The following WIPI2 variants were observed in gnomAD, a reference collection of about 807,000 sequenced individuals.
WIPI2 encodes WD repeat domain phosphoinositide-interacting protein 2.
WIPI2 carries 28 observed loss-of-function variants against 52.3 expected under a neutral mutation model. That is an observed-to-expected ratio of 0.54 (90% CI 0.40 to 0.73). WIPI2 has a LOEUF of 0.73. Ranked by LOEUF, WIPI2 falls within the 30% of genes least tolerant of loss-of-function variation. The pLI is 0.00. For missense variants in WIPI2, 506 were observed against 602.9 expected (o/e 0.84, Z 1.68); for synonymous variants, 268 against 245.0 (o/e 1.09, Z -0.88).
Position 5,199,471 on chromosome 7 carries a change from A to G in WIPI2, c.129-105A>G. ...TGCTCTGTGCTGATTTGTGGAGGGC[A>G]CGCGGGGAACTTGCTGGGAACTCGC... On this transcript the variant is annotated intron_variant, in intron 2 of 12. Coordinates refer to ENST00000288828, the MANE Select transcript of WIPI2 (RefSeq NM_015610.4). 4.6e-6 allele frequency: 4 copies of G among 878,578 alleles called. No individual in the cohort carries two copies. In the South Asian group the frequency reaches 6.2e-5, roughly 14 times the overall value. 54.4% of individuals were successfully genotyped at this position (878,578 alleles called of 1,614,324 possible). A position where few individuals can be genotyped will look rare whatever the true frequency, so the allele number is the denominator to read the frequency against.
chr7:5,229,323 C>A, intron 11 of WIPI2: 2 of 269,510 alleles, frequency 7.4e-6, no homozygotes, highest in South Asian at 9.1e-5. Flanking sequence ...GCTAGCCTGA[C>A]TTTTTTTGTA....
At chr7:5,192,204 G>A (rs777769655) in intron 1 of WIPI2, among the ~76,000 whole-genome samples, 1 of 152,192 alleles carries the variant, frequency 6.6e-6, no homozygotes, top group Non-Finnish European at 1.5e-5. Flanking sequence ...ACCTGTTGCA[G>A]TTCAAGTGGA....
intron 8 of WIPI2, 137 bp downstream of exon 8, chr7:5,222,809 A>G: frequency 4.8e-6 from 4 of 827,598 alleles, no homozygotes; most frequent in Non-Finnish European, 7.9e-6. Flanking sequence ...TCACCGGGTA[A>G]GATCTGGGCG....
At chr7:5,203,869 C>T (rs1782161149) in intron 3 of WIPI2, among the ~76,000 whole-genome samples, 3 of 151,926 alleles carry the variant, frequency 2.0e-5, no homozygotes, top group Non-Finnish European at 4.4e-5. Flanking sequence ...ATGATCCACC[C>T]GCCTCAGCCT....
intron 3 of WIPI2, among the ~76,000 whole-genome samples, chr7:5,213,634 C>T (rs188181397): frequency 2.6e-5 from 4 of 152,218 alleles, no homozygotes; most frequent in African/African-American, 4.8e-5. Flanking sequence ...TGTGTTTGCA[C>T]GACACAATTG....
Position 5,231,102 on chromosome 7 carries a change from T to C in WIPI2, c.*155T>C. On this transcript the variant is annotated 3_prime_UTR_variant, in exon 13 of 13. Transcript: ENST00000288828. ...AGATTGTAGTGGTAGTCTAACTCCA[T>C]AACGCTGAGGAAATACATCATTTTC... 2.1e-6 allele frequency: 1 copy of C among 484,190 alleles called. No homozygotes were observed. Among genetic ancestry groups the C allele is most frequent in the Non-Finnish European group, 3.6e-6 (1 of 279,902 alleles). The allele number at this position is 484,190 out of a possible 1,614,324, so 30.0% of individuals were successfully genotyped here.
At chr7:5,198,284 C>T (rs554702616) in intron 2 of WIPI2, among the ~76,000 whole-genome samples, 1 of 152,066 alleles carries the variant, frequency 6.6e-6, no homozygotes, top group African/African-American at 2.4e-5. Context: ...TTTTAAATAC[C>T]TTCGTTTAAA....
At chr7:5,229,535 G>A (rs1429541571) in intron 11 of WIPI2, 73 bp from the exon 12 acceptor site, 1 of 1,537,906 alleles carries the variant, frequency 6.5e-7, no homozygotes, top group African/African-American at 1.4e-5. Flanking sequence ...GTTGCCGCAG[G>A]GCAGCCAGTG....
intron 1 of WIPI2, among the ~76,000 whole-genome samples, chr7:5,191,697 G>T (rs530764966): frequency 6.6e-6 from 1 of 152,168 alleles, no homozygotes; most frequent in Non-Finnish European, 1.5e-5. Context: ...AAGGAGTGGG[G>T]CATTTGGCAT....
intron 2 of WIPI2, among the ~76,000 whole-genome samples, chr7:5,195,225 GC>G (rs1471629427): frequency 2.6e-5 from 4 of 152,210 alleles, no homozygotes; most frequent in African/African-American, 9.6e-5. Flanking sequence ...AGTGGCTCAC[GC>G]CTGTAATCCT....
Position 5,214,699 on chromosome 7 carries a change from A to C in WIPI2, c.376A>C (p.Arg126=). The C allele has an allele frequency of 6.2e-7, 1 of 1,613,972 alleles. No individual in the cohort carries two copies. The highest frequency in any genetic ancestry group is 8.5e-7 in the Non-Finnish European group (1 of 1,180,020). ...CACGATTCTGGCTGTGAAGCTCAACAGGCAGGTGAGCGCTGCCCCAGCTGG... is the reference window on the plus strand; with the variant it reads ...CACGATTCTGGCTGTGAAGCTCAACCGGCAGGTGAGCGCTGCCCCAGCTGG... ...SNTILAVKLN[R]QRLIVCLEES... The change falls in exon 4 of 13, where the codon AGG becomes CGG. Residue 126 remains arginine (R), a synonymous_variant. Coordinates refer to ENST00000288828, the MANE Select transcript of WIPI2 (RefSeq NM_015610.4).
In WIPI2 at chr7:5,217,207, C is replaced by T. The variant is rs1407824881; in HGVS notation, c.576+20C>T. 8.1e-6 allele frequency: 13 copies of T among 1,612,738 alleles called. No individual in the cohort carries two copies. Among genetic ancestry groups the T allele is most frequent in the Admixed American group, 5.0e-5 (3 of 59,968 alleles). On this transcript the variant is annotated intron_variant, in intron 6 of 12. Transcript: ENST00000288828. ...AATTTGGTGAGATGCCTTTCCTGCTCGAATAGCTCTCTAAAGTGTGGCTTT... is the reference window on the plus strand; with the variant it reads ...AATTTGGTGAGATGCCTTTCCTGCTTGAATAGCTCTCTAAAGTGTGGCTTT...
In WIPI2 at chr7:5,208,017, C is replaced by A. The variant is rs905367067; in HGVS notation, c.212-6518C>A. Among the ~76,000 whole-genome samples, 3 of 152,148 alleles carry A rather than the reference C, an allele frequency of 2.0e-5. No individual in the cohort carries two copies. In the South Asian group the frequency reaches 6.2e-4, roughly 31 times the overall value. On this transcript the variant is annotated intron_variant, in intron 3 of 12. Coordinates refer to ENST00000288828, the MANE Select transcript of WIPI2 (RefSeq NM_015610.4). ...CTGACCTCAGGCGATCCGGCCATCT[C>A]GACCTCCCAAAGTGCTGGGATTACA...
At chr7:5,194,633 A>T (rs576320188) in intron 2 of WIPI2, among the ~76,000 whole-genome samples, 1 of 152,318 alleles carries the variant, frequency 6.6e-6, no homozygotes, top group East Asian at 1.9e-4. Context: ...CTAATTTTAA[A>T]CATTTCTTAA....
chr7:5,225,169 C>G (rs1783362441), intron 8 of WIPI2, among the ~76,000 whole-genome samples: 2 of 151,286 alleles, frequency 1.3e-5, no homozygotes, highest in Admixed American at 6.6e-5. Context: ...GAGACAGAGT[C>G]TCACTCTGTC....
intron 3 of WIPI2, among the ~76,000 whole-genome samples, chr7:5,203,460 G>T (rs118073321): frequency 0.023 from 3,444 of 152,184 alleles, 50 homozygotes; most frequent in Non-Finnish European, 0.031. Context: ...GAAGCAAAAA[G>T]CAACATTCTT....
intron 1 of WIPI2, among the ~76,000 whole-genome samples, chr7:5,191,794 T>A (rs1403288933): frequency 6.6e-6 from 1 of 152,114 alleles, no homozygotes; most frequent in African/African-American, 2.4e-5. Context: ...AAAAGTGAAT[T>A]GTAGAATGGA....
chr7:5,214,944 G>A (rs6956071), intron 4 of WIPI2, among the ~76,000 whole-genome samples: 63,178 of 152,104 alleles, frequency 0.42, 13,407 homozygotes, highest in African/African-American at 0.51. Flanking sequence ...AGGCGTCCCC[G>A]GCCCCACCCA....
rs1783493674 is a variant in WIPI2, at chr7:5,227,457, C to G, written c.1013+113C>G. The G allele has an allele frequency of 1.4e-6, 2 of 1,404,534 alleles. No individual in the cohort carries two copies. Among genetic ancestry groups the G allele is most frequent in the South Asian group, 2.8e-5 (2 of 72,658 alleles). 87.0% of individuals were successfully genotyped at this position (1,404,534 alleles called of 1,614,324 possible). ...TCTGAACAGGAGCAGCTTCTTAGAG[C>G]CGACACTCCATCGAGAGTTGTCGGG... On this transcript the variant is annotated intron_variant, in intron 10 of 12. Coordinates refer to ENST00000288828, the MANE Select transcript of WIPI2 (RefSeq NM_015610.4). This position sits in a 1 kb window ranked among gnomAD's most constrained non-coding sequence, Gnocchi z 8.1.
Sources: allele counts gnomAD v4.1 joint callset (sites outside exome capture counted in the v4.1 genomes callset), GRCh38; gene constraint gnomAD v4.1.1; non-coding constraint Gnocchi (gnomAD v3.1); transcripts MANE v1.5; gene names NCBI Gene and HGNC (gene_info 2026-07-23, HGNC 2026-07-21).